Variants in EPB41L4B observed in about 807,000 individuals in gnomAD.
EPB41L4B encodes erythrocyte membrane protein band 4.1 like 4B.
In EPB41L4B, 30 loss-of-function variants were observed where a neutral mutation model predicts 112.5. That is an observed-to-expected ratio of 0.27 (90% CI 0.20 to 0.36). The LOEUF (loss-of-function observed/expected upper bound fraction) is 0.36. Among genes scored for constraint, EPB41L4B ranks in the 10% least tolerant of loss-of-function variants. The probability of loss-of-function intolerance (pLI) is 1.00; values close to 1 mark genes in which losing one functional copy is unlikely to be tolerated. For synonymous variants in EPB41L4B, 408 were observed against 439.7 expected, an observed-to-expected ratio of 0.93 and a Z score of 0.90; for missense variants, 1,024 against 1,133.3, an observed-to-expected ratio of 0.90 and a Z score of 1.38.
At chr9:109,215,291 C>CT (rs1047310006) in intron 16 of EPB41L4B, among the ~76,000 whole-genome samples, 3 of 152,056 alleles carry the variant, frequency 2.0e-5, no homozygotes, top group South Asian at 2.1e-4. Context: ...CTTTTCTTTT[C>CT]TTTTTTGAGA....
rs377558050 is a variant in EPB41L4B, at chr9:109,218,046, C to T, written c.1410-901G>A. Among the ~76,000 whole-genome samples the T allele has an allele frequency of 6.6e-5, 10 of 151,926 alleles. No individual in the cohort carries two copies. In the East Asian group the frequency reaches 1.2e-3, roughly 18 times the overall value. On this transcript the variant is annotated intron_variant, in intron 15 of 25. Transcript: ENST00000374566. ...TAGTCCATCCTCCACAGAGTAATTGCCAGAGTGCTATTCTAATTACATTCC... is the reference window on the plus strand; with the variant it reads ...TAGTCCATCCTCCACAGAGTAATTGTCAGAGTGCTATTCTAATTACATTCC...
rs769146733 is a variant in EPB41L4B at position 109,200,222 on chromosome 9, A to G, written c.2045+14T>C. 7 of 1,602,518 alleles carry G rather than the reference A, an allele frequency of 4.4e-6. No individual in the cohort carries two copies. The South Asian group carries it at 7.7e-5, about 18-fold the overall frequency. On this transcript the variant is annotated intron_variant, in intron 20 of 25. Coordinates refer to ENST00000374566, the MANE Select transcript of EPB41L4B (RefSeq NM_019114.5). ...TAGTTGTTTTAATTGAAAAAGTTGC[A>G]GTACAGAACTCACAAACTATACTGT...
rs867946704 is a variant in EPB41L4B at position 109,241,397 on chromosome 9, T to C, written c.1409+2221A>G. ...CAGGAACATAGTAAAATGATAAACATAGACTTTGACTCCAATTTTAAAATC... is the reference window on the plus strand; with the variant it reads ...CAGGAACATAGTAAAATGATAAACACAGACTTTGACTCCAATTTTAAAATC... On this transcript the variant is annotated intron_variant, in intron 15 of 25. Transcript: ENST00000374566. 68 of 1,208,304 alleles carry C rather than the reference T, an allele frequency of 5.6e-5. No homozygotes were observed. The African/African-American group carries it at 7.5e-4, about 13-fold the overall frequency. The allele number at this position is 1,208,304 out of a possible 1,614,324, so 74.8% of individuals were successfully genotyped here. A position where few individuals can be genotyped will look rare whatever the true frequency, so the allele number is the denominator to read the frequency against.
intron 2 of EPB41L4B, 29 bp downstream of exon 2, chr9:109,279,788 T>A (rs1483109753): frequency 1.3e-6 from 2 of 1,582,636 alleles, no homozygotes; most frequent in African/African-American, 2.7e-5. Flanking sequence ...AGCCAATCTG[T>A]TCTGAAATGA....
At chr9:109,191,192 G>T (rs1039711413) in intron 22 of EPB41L4B, among the ~76,000 whole-genome samples, 3 of 152,142 alleles carry the variant, frequency 2.0e-5, no homozygotes, top group African/African-American at 7.2e-5. Context: ...CAAGGCCCAT[G>T]GTACCAAGGA....
At chr9:109,223,913 G>A (rs148804241) in intron 15 of EPB41L4B, among the ~76,000 whole-genome samples, 3,334 of 152,160 alleles carry the variant, frequency 0.022, 109 homozygotes, top group African/African-American at 0.068. Context: ...CAGCTACTCT[G>A]GAGGCTGAAG....
At chr9:109,214,620 G>T (rs1377363086) in intron 16 of EPB41L4B, among the ~76,000 whole-genome samples, 2 of 152,214 alleles carry the variant, frequency 1.3e-5, no homozygotes, top group African/African-American at 4.8e-5. Context: ...ACAAGGTGGG[G>T]AAAAGTATTC....
chr9:109,175,236 T>TG (rs1339825915), intron 25 of EPB41L4B, among the ~76,000 whole-genome samples: 1 of 152,008 alleles, frequency 6.6e-6, no homozygotes, highest in Admixed American at 6.6e-5. Context: ...GACTTTTGAA[T>TG]GAAGATGTCC....
intron 7 of EPB41L4B, among the ~76,000 whole-genome samples, chr9:109,257,367 GC>G (rs1835022424): frequency 6.6e-6 from 1 of 152,104 alleles, no homozygotes; most frequent in African/African-American, 2.4e-5. Flanking sequence ...TGAAAGTGGT[GC>G]CTGCAGGGGG....
intron 9 of EPB41L4B, 91 bp from the exon 10 acceptor site, chr9:109,255,934 G>C: frequency 7.4e-7 from 1 of 1,342,776 alleles, no homozygotes. Flanking sequence ...TTAAAGCTTA[G>C]ACTAAAAAAA....
At position 109,200,253 on chromosome 9, in the gene EPB41L4B, T is replaced by C. The variant is rs1832776980; in HGVS notation, c.2028A>G (p.Leu676=). Residue 676 remains leucine (L), a synonymous_variant, in exon 20 of 26, where the codon TTA becomes TTG. Transcript: ENST00000374566. ...GAACTCACAAACTATACTGTCTTGT[T>C]AACTTCCTCACTCGGGGAGGCTTGA... The part of the protein sequence containing the change: ...PEIKPPRVRK[L]TRQYSFDEDD... 2 of 1,614,028 alleles carry C rather than the reference T, an allele frequency of 1.2e-6. No individual in the cohort carries two copies. Among genetic ancestry groups the C allele is most frequent in the African/African-American group, 2.7e-5 (2 of 74,926 alleles).
rs189246556 is a variant in EPB41L4B, at chr9:109,180,953, T to G, written c.2487+1776A>C. 1.8e-4 allele frequency among the ~76,000 whole-genome samples: 24 copies of G among 136,728 alleles called. 1 individual carries two copies. Among genetic ancestry groups the G allele is most frequent in the Admixed American group, 1.5e-3 (21 of 13,994 alleles). The allele number at this position is 136,728 out of a possible 152,430, so 89.7% of individuals were successfully genotyped here. ...ATGAGTTGAGCCCTGAAAAGAAGCATGAACATTATCAAACTCTCTCTTTGT... is the reference window on the plus strand; with the variant it reads ...ATGAGTTGAGCCCTGAAAAGAAGCAGGAACATTATCAAACTCTCTCTTTGT... On this transcript the variant is annotated intron_variant, in intron 24 of 25. Coordinates refer to ENST00000374566, the MANE Select transcript of EPB41L4B (RefSeq NM_019114.5).
At chr9:109,298,807 A>G (rs1836840743) in intron 1 of EPB41L4B, among the ~76,000 whole-genome samples, 1 of 152,184 alleles carries the variant, frequency 6.6e-6, no homozygotes, top group Non-Finnish European at 1.5e-5. Context: ...GTTCAAGCAG[A>G]GCAAATTTAT....
rs74892048 is a variant in EPB41L4B, at chr9:109,223,554, C to T, written c.1410-6409G>A. The stretch of plus-strand genomic sequence containing the variant: ...CAACAACAAGGCTGAGTGATCAATG[C>T]CCCAAAAAGCCAATCACAGACTCTA... On this transcript the variant is annotated intron_variant, in intron 15 of 25. Transcript: ENST00000374566. Among the ~76,000 whole-genome samples, 1,046 of 152,284 alleles carry T rather than the reference C, an allele frequency of 6.9e-3. 22 individuals are homozygous for T. The highest frequency in any genetic ancestry group is 0.03 in the Admixed American group (455 of 15,302).
intron 20 of EPB41L4B, among the ~76,000 whole-genome samples, chr9:109,195,472 AATTG>A (rs1832609432): frequency 6.6e-6 from 1 of 152,186 alleles, no homozygotes; most frequent in Non-Finnish European, 1.5e-5. Flanking sequence ...GAAAGGTGAG[AATTG>A]AATAAGTACA....
intron 21 of EPB41L4B, among the ~76,000 whole-genome samples, chr9:109,193,918 A>G (rs1374165178): frequency 6.6e-6 from 1 of 152,214 alleles, no homozygotes; most frequent in Admixed American, 6.5e-5. Context: ...CTATCTTTAC[A>G]GTGGACTAAT....
chr9:109,228,531 A>C (rs1370015182), intron 15 of EPB41L4B, among the ~76,000 whole-genome samples: 1 of 152,198 alleles, frequency 6.6e-6, no homozygotes, highest in Non-Finnish European at 1.5e-5. Context: ...AAAAGCAGTA[A>C]AATATTTCCT....
intron 20 of EPB41L4B, among the ~76,000 whole-genome samples, chr9:109,198,445 A>T (rs995264399): frequency 1.3e-5 from 2 of 152,222 alleles, no homozygotes; most frequent in Admixed American, 1.3e-4. Flanking sequence ...AGGATCAAAC[A>T]GTCACTTTTC....
At chr9:109,245,196 C>A (rs1453364133) in intron 14 of EPB41L4B, among the ~76,000 whole-genome samples, 1 of 152,234 alleles carries the variant, frequency 6.6e-6, no homozygotes, top group Non-Finnish European at 1.5e-5. Flanking sequence ...CAGAGTCTAA[C>A]TGTTCCAGGT....
Sources: allele counts gnomAD v4.1 joint callset (sites outside exome capture counted in the v4.1 genomes callset), GRCh38; gene constraint gnomAD v4.1.1; transcripts MANE v1.5; gene names NCBI Gene and HGNC (gene_info 2026-07-23, HGNC 2026-07-21).